TMEM184B: variants seen among roughly 807,000 people sequenced by gnomAD.
TMEM184B encodes the protein putative MAPK-activating protein FM08.
TMEM184B carries 17 observed loss-of-function variants against 41.8 expected under a neutral mutation model. The ratio of observed to expected loss-of-function variants is 0.41; its 90% CI spans 0.28 to 0.61. TMEM184B has a LOEUF of 0.61. TMEM184B is among the 20% of genes least tolerant of loss of function. The probability of loss-of-function intolerance (pLI) is 0.34; values close to 1 mark genes in which losing one functional copy is unlikely to be tolerated. For synonymous variants in TMEM184B, 240 were observed against 229.5 expected, an observed-to-expected ratio of 1.05 and a Z score of -0.41; for missense variants, 393 against 557.8, an observed-to-expected ratio of 0.70 and a Z score of 2.98.
chr22:38,233,894 G>A lies in TMEM184B; in HGVS notation c.359-2560C>T, dbSNP rs542166159. ...AAGTGGTTCTCCTGTCTCAGCCTCT[G>A]GAGTAACTGGGATTACAGGCGCACA... On this transcript the variant is annotated intron_variant, in intron 3 of 8. Transcript: ENST00000361906. Among the ~76,000 whole-genome samples the A allele has an allele frequency of 1.1e-4, 17 of 152,050 alleles. No homozygotes were observed. In the East Asian group the frequency reaches 2.9e-3, roughly 26 times the overall value.
intron 3 of TMEM184B, among the ~76,000 whole-genome samples, chr22:38,241,858 T>C (rs1215391876): frequency 8.6e-6 from 1 of 115,764 alleles, no homozygotes; most frequent in Non-Finnish European, 1.6e-5. Flanking sequence ...CACTCCGGCC[T>C]GGGTGACAGA....
At position 38,220,444 on chromosome 22, in the gene TMEM184B, G is replaced by A; in HGVS notation, c.*1025C>T. 5 of 985,850 alleles carry A rather than the reference G, an allele frequency of 5.1e-6. No individual in the cohort carries two copies. Among genetic ancestry groups the A allele is most frequent in the Non-Finnish European group, 6.0e-6 (5 of 829,962 alleles). 61.1% of individuals were successfully genotyped at this position (985,850 alleles called of 1,614,324 possible). The stretch of plus-strand genomic sequence containing the variant: ...AACACCAGGCCCTGTGTGGATAGGG[G>A]CCCCGAGAGGAGTCTGGGACCATTC... On this transcript the variant is annotated 3_prime_UTR_variant, in exon 9 of 9. Transcript: ENST00000361906.
Position 38,219,742 on chromosome 22 carries a change from G to A in TMEM184B, c.*1727C>T, listed in dbSNP as rs1456305783. 9.1e-6 allele frequency: 9 copies of A among 985,750 alleles called. No individual in the cohort carries two copies. The highest frequency in any genetic ancestry group is 1.1e-4 in the East Asian group (1 of 8,814). The allele number at this position is 985,750 out of a possible 1,614,324, so 61.1% of individuals were successfully genotyped here. On this transcript the variant is annotated 3_prime_UTR_variant, in exon 9 of 9. Transcript: ENST00000361906. ...GGCCTGGAGGGAGAAGGGAAGCCAC[G>A]GTGGAGAGACAGCTTGGTGAAAGCA...
At chr22:38,265,995 G>A (rs1231025708) in intron 1 of TMEM184B, among the ~76,000 whole-genome samples, 1 of 152,230 alleles carries the variant, frequency 6.6e-6, no homozygotes, top group Non-Finnish European at 1.5e-5. Context: ...AGGGGTTGGA[G>A]CAGGAGATAA....
chr22:38,262,201 G>A (rs925037675), intron 1 of TMEM184B, among the ~76,000 whole-genome samples: 1 of 152,240 alleles, frequency 6.6e-6, no homozygotes, highest in Non-Finnish European at 1.5e-5. Context: ...AACAGGCAGC[G>A]GCAGGCACCA....
chr22:38,267,435 C>CTT (rs973916120), intron 1 of TMEM184B, among the ~76,000 whole-genome samples: 14 of 140,006 alleles, frequency 1.0e-4, no homozygotes, highest in East Asian at 4.2e-4. Flanking sequence ...CCCCTAATAT[C>CTT]TTTTTTTTTT....
At chr22:38,262,059 T>C (rs2092376871) in intron 1 of TMEM184B, among the ~76,000 whole-genome samples, 1 of 152,204 alleles carries the variant, frequency 6.6e-6, no homozygotes, top group Admixed American at 6.5e-5. Context: ...GTGGTATATT[T>C]GGTGAACTCC....
chr22:38,241,904 A>AAAAAAAAAAAAAAC, intron 3 of TMEM184B, among the ~76,000 whole-genome samples: 1 of 150,064 alleles, frequency 6.7e-6, no homozygotes, highest in African/African-American at 2.4e-5. Flanking sequence ...AAAAAAAAAA[A>AAAAAAAAAAAAAAC]AAAGAACGAG....
intron 1 of TMEM184B, among the ~76,000 whole-genome samples, chr22:38,270,836 G>C (rs946223300): frequency 6.6e-6 from 1 of 152,346 alleles, no homozygotes; most frequent in Non-Finnish European, 1.5e-5. Flanking sequence ...AAATAGCTCT[G>C]AGCCCTTCTC....
chr22:38,260,770 C>A (rs2098653776), intron 1 of TMEM184B, among the ~76,000 whole-genome samples: 1 of 152,266 alleles, frequency 6.6e-6, no homozygotes, highest in South Asian at 2.1e-4. Context: ...TTTCATGCTC[C>A]CAACAGTCTC....
intron 2 of TMEM184B, chr22:38,246,889 G>T (rs1036499796): frequency 2.3e-6 from 3 of 1,301,444 alleles, no homozygotes; most frequent in African/African-American, 3.0e-5. Flanking sequence ...CCCTGGGCTG[G>T]GGAGGAAAAG....
intron 2 of TMEM184B, among the ~76,000 whole-genome samples, chr22:38,247,345 CAG>C (rs1368736321): frequency 6.6e-6 from 1 of 152,220 alleles, no homozygotes; most frequent in African/African-American, 2.4e-5. Flanking sequence ...GTTAAATATA[CAG>C]AGTGCCTTCG....
In TMEM184B at chr22:38,247,703, AC is replaced by A. The variant is rs1449062806; in HGVS notation, c.192+66del. The stretch of plus-strand genomic sequence containing the variant: ...GTGCAGCCTGGCCTAGCCTAGCCTA[AC>A]CCACACTCTGTTCAGCCAGGAACCT... On this transcript the variant is annotated intron_variant, in intron 2 of 8. Transcript: ENST00000361906. 5.9e-6 allele frequency: 9 copies of A among 1,525,156 alleles called. No individual in the cohort carries two copies. In the Admixed American group the frequency reaches 1.0e-4, roughly 18 times the overall value. The allele number at this position is 1,525,156 out of a possible 1,614,324, so 94.5% of individuals were successfully genotyped here.
intron 1 of TMEM184B, among the ~76,000 whole-genome samples, chr22:38,251,778 G>A (rs772010253): frequency 2.0e-5 from 3 of 152,254 alleles, no homozygotes; most frequent in South Asian, 2.1e-4. Flanking sequence ...CTTTACTCCC[G>A]TGGGGAAAGG....
intron 1 of TMEM184B, among the ~76,000 whole-genome samples, chr22:38,262,624 G>A (rs2092387800): frequency 6.6e-6 from 1 of 152,314 alleles, no homozygotes; most frequent in Non-Finnish European, 1.5e-5. Flanking sequence ...ATCATGACGT[G>A]AGCCAATCGG....
intron 1 of TMEM184B, among the ~76,000 whole-genome samples, chr22:38,266,822 G>A (rs954191211): frequency 1.3e-5 from 2 of 152,140 alleles, no homozygotes; most frequent in Admixed American, 1.3e-4. Flanking sequence ...GGTGGCTCAC[G>A]CCTGTAATCC....
intron 8 of TMEM184B, chr22:38,223,996 T>G (rs575081920): frequency 1.3e-5 from 2 of 152,384 alleles, no homozygotes; most frequent in Middle Eastern, 6.8e-3. Flanking sequence ...CCAGGGCATT[T>G]TCCAGTACAA....
chr22:38,243,848 C>T (rs1021133190), intron 3 of TMEM184B, among the ~76,000 whole-genome samples: 1 of 152,126 alleles, frequency 6.6e-6, no homozygotes, highest in Non-Finnish European at 1.5e-5. Context: ...CATGGCTGCA[C>T]CCCATCCTGC....
At chr22:38,259,458 T>G (rs1347348317) in intron 1 of TMEM184B, among the ~76,000 whole-genome samples, 3 of 152,044 alleles carry the variant, frequency 2.0e-5, no homozygotes, top group Admixed American at 2.0e-4. Context: ...AGGGTCCTCG[T>G]AGGAGGAAGG....
Sources: gnomAD v4.1 joint callset for allele counts (sites outside exome capture counted in the v4.1 genomes callset) on GRCh38, gnomAD v4.1.1 for gene constraint, MANE v1.5 for transcripts, NCBI Gene and HGNC (gene_info 2026-07-23, HGNC 2026-07-21) for gene names.